The following NLK variants were observed in gnomAD, a reference collection of about 807,000 sequenced individuals.
NLK encodes nemo like kinase.
In NLK, 11 loss-of-function variants were observed where a neutral mutation model predicts 59.0. The ratio of observed to expected loss-of-function variants is 0.19; its 90% CI spans 0.12 to 0.31. NLK has a LOEUF of 0.31. NLK is among the 10% of genes least tolerant of loss of function. The pLI, the probability that NLK is intolerant of heterozygous loss-of-function variation, is 1.00. For synonymous variants in NLK, 235 were observed against 235.9 expected, an observed-to-expected ratio of 1.00 and a Z score of 0.03; for missense variants, 410 against 661.1, an observed-to-expected ratio of 0.62 and a Z score of 4.16.
At chr17:28,084,301 G>T (rs1910440722) in intron 1 of NLK, among the ~76,000 whole-genome samples, 1 of 152,222 alleles carries the variant, frequency 6.6e-6, no homozygotes, top group African/African-American at 2.4e-5. Flanking sequence ...ATGGTAGGTA[G>T]TCAAAAAATG....
At chr17:28,092,747 TTTTTATTTTA>T (rs527686804) in intron 1 of NLK, among the ~76,000 whole-genome samples, 11,188 of 139,328 alleles carry the variant, frequency 0.08, 505 homozygotes, top group East Asian at 0.12. Context: ...AAGTGGCTTG[TTTTTATTTTA>T]TTTTATTTTA....
At chr17:28,091,812 A>G (rs1308570466) in intron 1 of NLK, among the ~76,000 whole-genome samples, 1 of 152,162 alleles carries the variant, frequency 6.6e-6, no homozygotes, top group Non-Finnish European at 1.5e-5. Context: ...AACCAATCCA[A>G]CTGAAACAGA....
At chr17:28,077,168 G>T (rs1362741783) in intron 1 of NLK, among the ~76,000 whole-genome samples, 4 of 122,250 alleles carry the variant, frequency 3.3e-5, no homozygotes, top group African/African-American at 1.3e-4. Context: ...TCCCTTGTTT[G>T]CCACCTGTAT....
chr17:28,118,305 T>C (rs1905869821), intron 1 of NLK, among the ~76,000 whole-genome samples: 1 of 152,190 alleles, frequency 6.6e-6, no homozygotes. Flanking sequence ...ATTACAACTT[T>C]ATGTGAATAG....
intron 1 of NLK, among the ~76,000 whole-genome samples, chr17:28,119,870 T>C (rs550377322): frequency 4.6e-4 from 70 of 152,326 alleles, no homozygotes; most frequent in Non-Finnish European, 8.8e-4. Flanking sequence ...TTGTTGTTTC[T>C]GTCAAAAATG....
chr17:28,093,391 G>A (rs577169069), intron 1 of NLK, among the ~76,000 whole-genome samples: 1 of 152,180 alleles, frequency 6.6e-6, no homozygotes, highest in African/African-American at 2.4e-5. Flanking sequence ...ACCTTTTGTG[G>A]GCGATCTCCA....
intron 1 of NLK, among the ~76,000 whole-genome samples, chr17:28,067,845 T>C (rs868377766): frequency 6.6e-6 from 1 of 151,312 alleles, no homozygotes; most frequent in Middle Eastern, 3.4e-3. Context: ...AAAATATATA[T>C]ATATATATAT....
intron 7 of NLK, among the ~76,000 whole-genome samples, chr17:28,173,318 CA>C (rs1908545806): frequency 6.6e-6 from 1 of 152,150 alleles, no homozygotes; most frequent in South Asian, 2.1e-4. Context: ...GATGACCCAG[CA>C]ACAAATTTTC....
intron 8 of NLK, among the ~76,000 whole-genome samples, chr17:28,186,588 A>G (rs1350660995): frequency 6.6e-6 from 1 of 152,090 alleles, no homozygotes; most frequent in Non-Finnish European, 1.5e-5. Context: ...AAGCCTCACA[A>G]TCATGGCGGG....
At chr17:28,155,461 C>A (rs1027061188) in intron 3 of NLK, among the ~76,000 whole-genome samples, 4 of 152,132 alleles carry the variant, frequency 2.6e-5, no homozygotes, top group African/African-American at 9.7e-5. Context: ...AATCATGCAG[C>A]TATAAAGACA....
chr17:28,119,507 G>A (rs1404532074), intron 1 of NLK, among the ~76,000 whole-genome samples: 1 of 152,146 alleles, frequency 6.6e-6, no homozygotes, highest in Non-Finnish European at 1.5e-5. Context: ...AAGTTAGGAA[G>A]AAGTATTGTA....
intron 1 of NLK, among the ~76,000 whole-genome samples, chr17:28,093,754 T>C (rs1904597000): frequency 1.3e-5 from 2 of 152,236 alleles, no homozygotes; most frequent in Admixed American, 1.3e-4. Context: ...GTTTCCCTGT[T>C]TGAAAAATGA....
At chr17:28,101,090 T>TA (rs1904886477) in intron 1 of NLK, among the ~76,000 whole-genome samples, 1 of 152,190 alleles carries the variant, frequency 6.6e-6, no homozygotes, top group Non-Finnish European at 1.5e-5. Context: ...TTACTTGACA[T>TA]ATAAGCATAG....
chr17:28,138,480 T>C (rs1178766291), intron 3 of NLK, among the ~76,000 whole-genome samples: 1 of 152,182 alleles, frequency 6.6e-6, no homozygotes, highest in African/African-American at 2.4e-5. Context: ...AGGCAGTGTT[T>C]TAAATAGGAA....
At chr17:28,068,702 C>T (rs570987195) in intron 1 of NLK, among the ~76,000 whole-genome samples, 32 of 152,196 alleles carry the variant, frequency 2.1e-4, no homozygotes, top group African/African-American at 7.5e-4. Context: ...TTTTTAGAGA[C>T]AAGATCTCTT....
intron 1 of NLK, among the ~76,000 whole-genome samples, chr17:28,046,972 T>A (rs1394383828): frequency 6.6e-6 from 1 of 152,232 alleles, no homozygotes; most frequent in Non-Finnish European, 1.5e-5. Flanking sequence ...TCTTTGAATT[T>A]TATTATTCTA....
At chr17:28,115,457 G>A (rs373127455) in intron 1 of NLK, among the ~76,000 whole-genome samples, 2 of 152,164 alleles carry the variant, frequency 1.3e-5, no homozygotes, top group Admixed American at 1.3e-4. Context: ...TAAGTCAAGT[G>A]TTCATATAGG....
In NLK at chr17:28,057,020, T is replaced by A. The variant is rs180694111; in HGVS notation, c.458+13689T>A. Among the ~76,000 whole-genome samples, 109 of 147,972 alleles carry A rather than the reference T, an allele frequency of 7.4e-4. 1 individual carries two copies. The East Asian group carries it at 0.022, about 30-fold the overall frequency. ...CCCAGGCTGGAGTGCAATGGCGCGA[T>A]CTTGGCTCACTGCAACCTCCGCCTC... On this transcript the variant is annotated intron_variant, in intron 1 of 10. Coordinates refer to ENST00000407008, the MANE Select transcript of NLK (RefSeq NM_016231.5).
chr17:28,071,063 A>G (rs1909991579), intron 1 of NLK, among the ~76,000 whole-genome samples: 2 of 152,150 alleles, frequency 1.3e-5, no homozygotes, highest in Non-Finnish European at 1.5e-5. Context: ...GTATTATAGG[A>G]TGTTCAGCAT....
Sources: allele counts gnomAD v4.1 joint callset (sites outside exome capture counted in the v4.1 genomes callset), GRCh38; gene constraint gnomAD v4.1.1; transcripts MANE v1.5; gene names NCBI Gene and HGNC (gene_info 2026-07-23, HGNC 2026-07-21).